The following HIVEP3 variants were observed in gnomAD, a reference collection of about 807,000 sequenced individuals.
HIVEP3 encodes the protein HIVEP zinc finger 3.
Under a neutral mutation model 152.8 loss-of-function variants are expected in HIVEP3, and 49 were observed. That is an observed-to-expected ratio of 0.32 (90% CI 0.26 to 0.41). The LOEUF (loss-of-function observed/expected upper bound fraction) is 0.41, where lower values mean the gene tolerates loss of function less well. Ranked by LOEUF, HIVEP3 falls within the 10% of genes least tolerant of loss-of-function variation. HIVEP3 has a pLI of 1.00. For synonymous variants in HIVEP3, 1,269 were observed against 1,289.0 expected (o/e 0.98, Z 0.33); for missense variants, 2,790 against 3,103.3 (o/e 0.90, Z 2.40).
chr1:41,543,820 G>A (rs571414920), intron 5 of HIVEP3: 1 of 152,368 alleles, frequency 6.6e-6, no homozygotes, highest in South Asian at 2.1e-4. Context: ...CGCAGGGGAA[G>A]TGGAGATGCT....
At chr1:41,518,263 C>A in intron 7 of HIVEP3, 139 bp downstream of exon 7, 1 of 754,002 alleles carries the variant, frequency 1.3e-6, no homozygotes. Flanking sequence ...GAAGGTGAAG[C>A]TATTGGAGGG....
intron 1 of HIVEP3, among the ~76,000 whole-genome samples, chr1:42,002,661 TTAGGGGACTCCAGA>T (rs1645434850): frequency 6.6e-6 from 1 of 152,184 alleles, no homozygotes. Context: ...CTGCCATGGC[TTAGGGGACTCCAGA>T]TATGGGAACT....
chr1:41,777,953 C>A (rs763547757), intron 1 of HIVEP3, among the ~76,000 whole-genome samples: 2 of 152,218 alleles, frequency 1.3e-5, no homozygotes, highest in African/African-American at 2.4e-5. Context: ...GAGCTTGCAA[C>A]GTCACACTTT....
intron 5 of HIVEP3, among the ~76,000 whole-genome samples, chr1:41,562,641 C>T (rs1160915456): frequency 1.5e-5 from 2 of 134,378 alleles, no homozygotes; most frequent in Admixed American, 7.5e-5. Flanking sequence ...CTCCCTCTCT[C>T]TCTCTTTCTT....
At chr1:41,604,223 G>T (rs527343064) in intron 3 of HIVEP3, among the ~76,000 whole-genome samples, 18 of 152,178 alleles carry the variant, frequency 1.2e-4, no homozygotes, top group African/African-American at 4.3e-4. Flanking sequence ...ACACAAAGAA[G>T]AATTTTCATA....
intron 1 of HIVEP3, among the ~76,000 whole-genome samples, chr1:41,930,171 G>A (rs895594999): frequency 2.6e-5 from 4 of 152,006 alleles, no homozygotes; most frequent in Admixed American, 6.6e-5. Flanking sequence ...ATTTGCACAC[G>A]GCAAAATTTA....
intron 1 of HIVEP3, among the ~76,000 whole-genome samples, chr1:41,993,287 T>A (rs1230439348): frequency 6.6e-6 from 1 of 150,954 alleles, no homozygotes; most frequent in African/African-American, 2.4e-5. Flanking sequence ...TACAATGAAC[T>A]CAAACAAATT....
intron 3 of HIVEP3, among the ~76,000 whole-genome samples, chr1:41,615,510 G>A (rs1048382744): frequency 2.6e-5 from 4 of 152,226 alleles, no homozygotes; most frequent in African/African-American, 7.2e-5. Flanking sequence ...AGGGATTCGC[G>A]CAAGACCACA....
At chr1:41,684,195 C>G (rs189262322) in intron 2 of HIVEP3, among the ~76,000 whole-genome samples, 6 of 152,284 alleles carry the variant, frequency 3.9e-5, no homozygotes, top group Admixed American at 1.3e-4. Context: ...TGCCTCACCA[C>G]TCTGACTTCC....
At chr1:41,772,825 G>A (rs936812241) in intron 1 of HIVEP3, among the ~76,000 whole-genome samples, 2 of 152,172 alleles carry the variant, frequency 1.3e-5, no homozygotes, top group African/African-American at 4.8e-5. Context: ...TAGGAGAATC[G>A]CTTGAACCTG....
chr1:41,977,006 G>A lies in HIVEP3; in HGVS notation n.120-58482C>T, dbSNP rs115977928. On this transcript the variant is annotated intron_variant and non_coding_transcript_variant, in intron 1 of 3. Transcript: ENST00000489103. ...TGGTACTTTGTTCTGGCATCTGGGA[G>A]ACTAATACAACAGCAGTACTCAACA... 3.2e-3 allele frequency among the ~76,000 whole-genome samples: 480 copies of A among 152,258 alleles called. 3 individuals carry two copies. Among genetic ancestry groups the A allele is most frequent in the African/African-American group, 0.011 (458 of 41,544 alleles).
intron 3 of HIVEP3, 82 bp downstream of exon 3, chr1:41,628,667 G>A: frequency 9.8e-7 from 1 of 1,016,384 alleles, no homozygotes; most frequent in South Asian, 5.0e-5. Context: ...ACATTTTTCA[G>A]AGGAAGAACT....
At chr1:41,693,384 T>A (rs1646225279) in intron 2 of HIVEP3, among the ~76,000 whole-genome samples, 1 of 152,218 alleles carries the variant, frequency 6.6e-6, no homozygotes, top group South Asian at 2.1e-4. Flanking sequence ...AAAGGACACT[T>A]TGATTGTTTA....
chr1:41,753,670 AAAATAAATAAATAAAT>A (rs3064234), intron 1 of HIVEP3, among the ~76,000 whole-genome samples: 1 of 141,068 alleles, frequency 7.1e-6, no homozygotes, highest in East Asian at 2.0e-4. Context: ...CGCCGTCTCA[AAAATAAATAAATAAAT>A]AAATAAATAA....
chr1:42,030,425 T>C (rs1645606634), intron 1 of HIVEP3, among the ~76,000 whole-genome samples: 1 of 152,018 alleles, frequency 6.6e-6, no homozygotes. Flanking sequence ...AAAACTATGC[T>C]CCCTCCAGGA....
chr1:41,819,168 G>GT (rs1214545270), intron 1 of HIVEP3, among the ~76,000 whole-genome samples: 2 of 152,108 alleles, frequency 1.3e-5, no homozygotes, highest in Non-Finnish European at 2.9e-5. Flanking sequence ...TTTCATGTCT[G>GT]TGTGTGTATG....
At chr1:41,793,021 T>C (rs1370170427) in intron 1 of HIVEP3, among the ~76,000 whole-genome samples, 1 of 152,188 alleles carries the variant, frequency 6.6e-6, no homozygotes, top group Non-Finnish European at 1.5e-5. Flanking sequence ...GGAAGAACGA[T>C]TGGGCCACTC....
At chr1:41,522,318 G>T (rs1469074709) in intron 6 of HIVEP3, among the ~76,000 whole-genome samples, 1 of 152,220 alleles carries the variant, frequency 6.6e-6, no homozygotes, top group Non-Finnish European at 1.5e-5. Context: ...AGACTTCCCT[G>T]CTTCCATTGC....
chr1:41,551,688 G>T (rs973963409), intron 5 of HIVEP3, among the ~76,000 whole-genome samples: 5 of 152,204 alleles, frequency 3.3e-5, no homozygotes, highest in African/African-American at 1.2e-4. Flanking sequence ...AGTATTCTCT[G>T]ATGGTAGTTT....
Sources: gnomAD v4.1 joint callset for allele counts (sites outside exome capture counted in the v4.1 genomes callset) on GRCh38, gnomAD v4.1.1 for gene constraint, MANE v1.5 for transcripts, NCBI Gene and HGNC (gene_info 2026-07-23, HGNC 2026-07-21) for gene names.